Variants in CREB5 observed in about 807,000 individuals in gnomAD.
CREB5 encodes the protein cAMP responsive element binding protein 5.
CREB5 carries 19 observed loss-of-function variants against 57.1 expected under a neutral mutation model. The ratio of observed to expected loss-of-function variants is 0.33; its 90% CI spans 0.23 to 0.49. CREB5 has a LOEUF of 0.49. CREB5 is among the 20% of genes least tolerant of loss of function. The pLI is 0.99. For synonymous variants in CREB5, 238 were observed against 238.3 expected (o/e 1.00, Z 0.01); for missense variants, 579 against 671.6 (o/e 0.86, Z 1.52).
At chr7:28,299,948 A>G (rs1376731626) in intron 1 of CREB5, among the ~76,000 whole-genome samples, 1 of 152,156 alleles carries the variant, frequency 6.6e-6, no homozygotes, top group Non-Finnish European at 1.5e-5. Flanking sequence ...TGATAATTAA[A>G]TGTAATTATT....
chr7:28,580,381 G>T (rs200943591), intron 5 of CREB5, among the ~76,000 whole-genome samples: 200 of 130,036 alleles, frequency 1.5e-3, no homozygotes, highest in African/African-American at 2.9e-3. Context: ...TGTGTGTGTG[G>T]GGGGGGCATG....
At chr7:28,524,001 C>CA (rs1562773825) in intron 4 of CREB5, among the ~76,000 whole-genome samples, 4 of 152,110 alleles carry the variant, frequency 2.6e-5, no homozygotes. Context: ...TTGCCTTACA[C>CA]GTGGAAGGAG....
At chr7:28,354,723 T>A (rs1271376645) in intron 1 of CREB5, among the ~76,000 whole-genome samples, 2 of 152,132 alleles carry the variant, frequency 1.3e-5, no homozygotes, top group African/African-American at 2.4e-5. Flanking sequence ...CCCAGAGACT[T>A]AAGAACCCAG....
chr7:28,421,558 T>C (rs1178403382), intron 1 of CREB5, among the ~76,000 whole-genome samples: 1 of 152,010 alleles, frequency 6.6e-6, no homozygotes, highest in Non-Finnish European at 1.5e-5. Flanking sequence ...TTGGTATGTG[T>C]GTGATGTGAT....
chr7:28,620,878 T>C (rs1485065333), intron 5 of CREB5, among the ~76,000 whole-genome samples: 3 of 152,094 alleles, frequency 2.0e-5, no homozygotes, highest in Non-Finnish European at 2.9e-5. Context: ...TATTAAAGAA[T>C]AAAGGAATAC....
intron 5 of CREB5, among the ~76,000 whole-genome samples, chr7:28,703,293 G>C (rs775470537): frequency 6.6e-6 from 1 of 152,158 alleles, no homozygotes; most frequent in Non-Finnish European, 1.5e-5. Context: ...TTTGGGGGTG[G>C]AGTGAATAGA....
At chr7:28,586,900 T>G (rs1428536979) in intron 5 of CREB5, among the ~76,000 whole-genome samples, 1 of 152,238 alleles carries the variant, frequency 6.6e-6, no homozygotes, top group Non-Finnish European at 1.5e-5. Context: ...GGCAAATGCC[T>G]GGCTCAGAAG....
chr7:28,602,765 G>A (rs980201236), intron 5 of CREB5, among the ~76,000 whole-genome samples: 8 of 152,160 alleles, frequency 5.3e-5, no homozygotes, highest in Non-Finnish European at 1.0e-4. Context: ...TTGTGGTGAT[G>A]GAACAGTTTT....
intron 5 of CREB5, among the ~76,000 whole-genome samples, chr7:28,684,742 G>GAA (rs5883162): frequency 6.6e-5 from 10 of 151,634 alleles, no homozygotes; most frequent in South Asian, 2.1e-4. Context: ...TTTGGAAAAG[G>GAA]AAAAAAAAAT....
At chr7:28,482,303 C>T (rs1197309435) in intron 1 of CREB5, among the ~76,000 whole-genome samples, 1 of 152,156 alleles carries the variant, frequency 6.6e-6, no homozygotes, top group Non-Finnish European at 1.5e-5. Flanking sequence ...GAAAATAAAT[C>T]GAGAGTGTGT....
chr7:28,599,532 C>G (rs1257916925), intron 5 of CREB5, among the ~76,000 whole-genome samples: 1 of 152,116 alleles, frequency 6.6e-6, no homozygotes, highest in Non-Finnish European at 1.5e-5. Flanking sequence ...TACAGAAGGT[C>G]CTTTGCAGAC....
At chr7:28,548,494 A>G (rs1164931464) in intron 4 of CREB5, among the ~76,000 whole-genome samples, 1 of 152,224 alleles carries the variant, frequency 6.6e-6, no homozygotes, top group East Asian at 1.9e-4. Context: ...AAGAATAATT[A>G]TAGTAAGATA....
intron 5 of CREB5, among the ~76,000 whole-genome samples, chr7:28,577,388 C>T (rs897106344): frequency 6.6e-6 from 1 of 152,124 alleles, no homozygotes; most frequent in African/African-American, 2.4e-5. Flanking sequence ...AAGCCCACGG[C>T]AGTAAAAGGG....
intron 1 of CREB5, among the ~76,000 whole-genome samples, chr7:28,381,923 T>A (rs1338895279): frequency 6.6e-6 from 1 of 152,192 alleles, no homozygotes; most frequent in African/African-American, 2.4e-5. Flanking sequence ...TTACGGGAAT[T>A]GGCTCACTTG....
At chr7:28,554,141 C>G (rs769169177) in intron 4 of CREB5, among the ~76,000 whole-genome samples, 9 of 152,192 alleles carry the variant, frequency 5.9e-5, no homozygotes, top group Non-Finnish European at 1.3e-4. Flanking sequence ...AGAAATGACA[C>G]TCTCTAAAAT....
chr7:28,685,337 CTG>C (rs1353740334), intron 5 of CREB5, among the ~76,000 whole-genome samples: 5 of 152,190 alleles, frequency 3.3e-5, no homozygotes, highest in East Asian at 1.9e-4. Context: ...GGAGAAGTGA[CTG>C]TGATTTCACA....
chr7:28,437,004 C>A (rs1386538948), intron 1 of CREB5, among the ~76,000 whole-genome samples: 1 of 152,112 alleles, frequency 6.6e-6, no homozygotes, highest in East Asian at 1.9e-4. Flanking sequence ...GAAGAAGCAG[C>A]TGAATGTCTT....
intron 1 of CREB5, among the ~76,000 whole-genome samples, chr7:28,466,206 G>A (rs1583497097): frequency 1.6e-5 from 2 of 123,378 alleles, no homozygotes; most frequent in East Asian, 4.7e-4. Flanking sequence ...CATATGACTG[G>A]AGTTAAAAAA....
chr7:28,623,809 A>C (rs1056252926), intron 5 of CREB5, among the ~76,000 whole-genome samples: 1 of 152,212 alleles, frequency 6.6e-6, no homozygotes, highest in Non-Finnish European at 1.5e-5. Context: ...TGTGGTATGC[A>C]AGTAAGAGAA....
Sources: allele counts gnomAD v4.1 joint callset (sites outside exome capture counted in the v4.1 genomes callset), GRCh38; gene constraint gnomAD v4.1.1; transcripts MANE v1.5; gene names NCBI Gene and HGNC (gene_info 2026-07-23, HGNC 2026-07-21).